PRKD3: variants seen among roughly 807,000 people sequenced by gnomAD.
PRKD3 encodes the protein serine/threonine-protein kinase D3.
In PRKD3, 47 loss-of-function variants were observed where a neutral mutation model predicts 99.2. The ratio of observed to expected loss-of-function variants is 0.47; its 90% CI spans 0.38 to 0.60. PRKD3 has a LOEUF of 0.60. PRKD3 is among the 20% of genes least tolerant of loss of function. The pLI is 0.00. For synonymous variants in PRKD3, 392 were observed against 355.4 expected (o/e 1.10, Z -1.16); for missense variants, 1,019 against 1,088.4 (o/e 0.94, Z 0.90).
Position 37,279,785 on chromosome 2 carries a change from A to C in PRKD3, c.1133T>G (p.Leu378Arg). The change falls in exon 8 of 19, where the codon CTC (leucine) becomes CGC (arginine). Residue 378 changes from leucine (L) to arginine (R), a missense_variant. Leu to Arg is a moderately radical substitution (Grantham distance 102). Transcript: ENST00000234179. ...DKMFFLDPSD[L>R]DVERDEEAVK... ...GGCTTCTTCATCTCTTTCCACATCGAGATCAGATGGATCCAAGAAGAACAT... is the reference window on the plus strand; with the variant it reads ...GGCTTCTTCATCTCTTTCCACATCGCGATCAGATGGATCCAAGAAGAACAT... 1 of 1,613,658 alleles carries C rather than the reference A, an allele frequency of 6.2e-7. No individual in the cohort carries two copies.
chr2:37,261,518 C>T (rs10179965), intron 14 of PRKD3, among the ~76,000 whole-genome samples: 3,080 of 152,022 alleles, frequency 0.02, 93 homozygotes, highest in African/African-American at 0.063. Flanking sequence ...CGGTGGCTCA[C>T]GCCTGTAATC....
intron 12 of PRKD3, among the ~76,000 whole-genome samples, chr2:37,271,947 A>G (rs1669293617): frequency 6.6e-6 from 1 of 152,132 alleles, no homozygotes; most frequent in African/African-American, 2.4e-5. Flanking sequence ...TTAAGAGTCC[A>G]TTTCCTGCTT....
chr2:37,262,612 T>C (rs998411583), intron 14 of PRKD3, among the ~76,000 whole-genome samples: 1 of 152,218 alleles, frequency 6.6e-6, no homozygotes, highest in African/African-American at 2.4e-5. Context: ...CAGAATATTA[T>C]AACTTTTATC....
At chr2:37,272,650 G>A (rs893351451) in intron 11 of PRKD3, among the ~76,000 whole-genome samples, 3 of 152,132 alleles carry the variant, frequency 2.0e-5, no homozygotes, top group Non-Finnish European at 2.9e-5. Flanking sequence ...TTTAATCGAT[G>A]ATGTAGGACT....
At chr2:37,272,509 A>G in intron 11 of PRKD3, 77 bp from the exon 12 acceptor site, 1 of 1,493,294 alleles carries the variant, frequency 6.7e-7, no homozygotes, top group Admixed American at 2.5e-5. Flanking sequence ...TGCTCATGGT[A>G]TATCAAACTT....
chr2:37,273,453 T>G (rs1031867383), intron 11 of PRKD3, among the ~76,000 whole-genome samples: 6 of 152,184 alleles, frequency 3.9e-5, no homozygotes, highest in African/African-American at 1.4e-4. Context: ...ATCTGCCTAC[T>G]GTATTTCTAC....
At chr2:37,320,480 G>A (rs1481962556) in intron 1 of PRKD3, among the ~76,000 whole-genome samples, 1 of 134,428 alleles carries the variant, frequency 7.4e-6, no homozygotes, top group Non-Finnish European at 1.5e-5. Context: ...TGCCTAGGCT[G>A]GAGTACAGTG....
rs1397926108 is a variant in PRKD3 at position 37,290,989 on chromosome 2, T to A, written c.438A>T (p.Thr146=). ...LVEVVLSALA[T]VEDFQIRPHT... ...GTGGACGAATCTGGAAGTCTTCTAC[T>A]GTGGCTAAAGCTTTAAAAAAGAAAA... The change falls in exon 4 of 19, where the codon ACA becomes ACT. Residue 146 remains threonine (T), a synonymous_variant. Coordinates refer to ENST00000234179, the MANE Select transcript of PRKD3 (RefSeq NM_005813.6). 6.2e-7 allele frequency: 1 copy of A among 1,606,334 alleles called. No individual in the cohort carries two copies. Among genetic ancestry groups the A allele is most frequent in the African/African-American group, 1.3e-5 (1 of 74,586 alleles).
chr2:37,252,171 A>G lies in PRKD3; in HGVS notation c.*1006T>C, dbSNP rs939540019. On this transcript the variant is annotated 3_prime_UTR_variant, in exon 19 of 19. Transcript: ENST00000234179. ...ACACTCCAGATATCTGCAAAGCCCAATAGGCTAGGGGAAGGAGAAAAAAGG... is the reference window on the plus strand; with the variant it reads ...ACACTCCAGATATCTGCAAAGCCCAGTAGGCTAGGGGAAGGAGAAAAAAGG... 2 of 152,198 alleles carry G rather than the reference A, an allele frequency of 1.3e-5. No individual in the cohort carries two copies. The highest frequency in any genetic ancestry group is 1.9e-4 in the East Asian group (1 of 5,202). 9.4% of individuals were successfully genotyped at this position (152,198 alleles called of 1,614,324 possible). A position where few individuals can be genotyped will look rare whatever the true frequency, so the allele number is the denominator to read the frequency against.
intron 1 of PRKD3, among the ~76,000 whole-genome samples, chr2:37,320,897 G>A (rs73928007): frequency 0.05 from 7,683 of 152,146 alleles, 618 homozygotes; most frequent in African/African-American, 0.17. Flanking sequence ...AAAAGTCTCA[G>A]TATTAACACA....
rs777604092 is a variant in PRKD3 at position 37,269,627 on chromosome 2, T to C, written c.1765A>G (p.Ile589Val). ...TGTAGTTGCTTACCTCCATAAACGA[T>C]GCCAAACTGGCCTGAACCAAGCACC... is the stretch of plus-strand genomic sequence containing the variant. ...DEVLGSGQFG[I>V]VYGGKHRKTG... The change falls in exon 13 of 19, where the codon ATC becomes GTC. Residue 589 changes from isoleucine (I) to valine (V), a missense_variant. By Grantham distance (29) the Ile-to-Val change is conservative. Around this residue, in one of 3 missense-constraint regions of PRKD3, gnomAD observed 184 missense variants for 275.1 expected, o/e 0.67. Transcript: ENST00000234179. 1 of 1,612,178 alleles carries C rather than the reference T, an allele frequency of 6.2e-7. No individual in the cohort carries two copies. Among genetic ancestry groups the C allele is most frequent in the Admixed American group, 1.7e-5 (1 of 60,012 alleles).
intron 14 of PRKD3, among the ~76,000 whole-genome samples, chr2:37,262,470 A>G (rs1668537797): frequency 1.3e-5 from 2 of 152,220 alleles, no homozygotes; most frequent in Admixed American, 1.3e-4. Context: ...TTTGCTAATC[A>G]TTTTAAACCC....
At chr2:37,271,866 A>G (rs2148532540) in intron 12 of PRKD3, among the ~76,000 whole-genome samples, 1 of 152,302 alleles carries the variant, frequency 6.6e-6, no homozygotes, top group South Asian at 2.1e-4. Context: ...TTTACGGAAA[A>G]AGTTGCTGAC....
At chr2:37,259,958 A>C (rs1668285173) in intron 15 of PRKD3, among the ~76,000 whole-genome samples, 1 of 152,194 alleles carries the variant, frequency 6.6e-6, no homozygotes, top group African/African-American at 2.4e-5. Flanking sequence ...TGAGGCAAGG[A>C]GTTCGAGACC....
chr2:37,289,386 C>A lies in PRKD3; in HGVS notation c.687G>T (p.Gln229His). 1 of 1,614,070 alleles carries A rather than the reference C, an allele frequency of 6.2e-7. No individual in the cohort carries two copies. The highest frequency in any genetic ancestry group is 1.1e-5 in the South Asian group (1 of 91,080). The change falls in exon 5 of 19, where the codon CAG becomes CAT. Residue 229 changes from glutamine (Q) to histidine (H), a missense_variant. By Grantham distance (24) the Gln-to-His change is conservative. Coordinates refer to ENST00000234179, the MANE Select transcript of PRKD3 (RefSeq NM_005813.6). ...CACTGGGAAGGGCTACATATTCAGG[C>A]TGTAGGGGTCTTGGAACTGAGAGGC... ...GPGLSVPRPL[Q>H]PEYVALPSEE...
intron 17 of PRKD3, among the ~76,000 whole-genome samples, chr2:37,254,886 A>C (rs1287148512): frequency 6.6e-6 from 1 of 152,212 alleles, no homozygotes; most frequent in African/African-American, 2.4e-5. Context: ...TTTAGTGTAC[A>C]TGGTGAGTTC....
In PRKD3 at chr2:37,260,293, A is replaced by G. The variant is rs1668317871; in HGVS notation, c.1976T>C (p.Met659Thr). ...CTCACTGGATAGAATCATTTCCAAC[A>G]TATCTCCATGCAGCTTTTCCATTAC... ...FVVMEKLHGD[M>T]LEMILSSEKS... The change falls in exon 15 of 19, where the codon ATG becomes ACG. Residue 659 changes from methionine (M) to threonine (T), a missense_variant. By Grantham distance (81) the Met-to-Thr change is moderately conservative. Around this residue, in one of 3 missense-constraint regions of PRKD3, gnomAD observed 184 missense variants for 275.1 expected, o/e 0.67. Transcript: ENST00000234179. 3.1e-6 allele frequency: 5 copies of G among 1,609,658 alleles called. No homozygotes were observed. Among genetic ancestry groups the G allele is most frequent in the Non-Finnish European group, 4.3e-6 (5 of 1,176,022 alleles).
At position 37,277,923 on chromosome 2, in the gene PRKD3, C is replaced by T; in HGVS notation, c.1239G>A (p.Lys413=). ...VVQSIKHTKR[K]SSTMVKEGWM... is the part of the protein sequence containing the mutation. ...ACCCTTCCTTCACCATTGTGCTGCT[C>T]TTCCTCTTTGTGTGCTTGATGGATT... Residue 413 remains lysine (K), a synonymous_variant, in exon 9 of 19, where the codon AAG becomes AAA. Transcript: ENST00000234179. 1 of 1,613,606 alleles carries T rather than the reference C, an allele frequency of 6.2e-7. No homozygotes were observed.
intron 13 of PRKD3, chr2:37,269,322 C>T (rs1179962299): frequency 1.1e-5 from 4 of 365,820 alleles, no homozygotes; most frequent in Non-Finnish European, 2.1e-5. Flanking sequence ...CCAACATAAA[C>T]TTCAAACCAT....
Sources: gnomAD v4.1 joint callset for allele counts (sites outside exome capture counted in the v4.1 genomes callset) on GRCh38, gnomAD v4.1.1 for gene constraint, gnomAD v4.1.1 regional missense constraint, MANE v1.5 for transcripts, NCBI Gene and HGNC (gene_info 2026-07-23, HGNC 2026-07-21) for gene names.